The following DACH1 variants were observed in gnomAD, a reference collection of about 807,000 sequenced individuals.
The protein encoded by DACH1 is dachshund homolog 1.
A neutral mutation model predicts 54.2 loss-of-function variants in DACH1; 12 were observed. The observed-to-expected ratio is 0.22, with a 90% CI of 0.14 to 0.36. The LOEUF (loss-of-function observed/expected upper bound fraction) is 0.36. Ranked by LOEUF, DACH1 falls within the 10% of genes least tolerant of loss-of-function variation. The pLI is 1.00. For missense variants in DACH1, 805 were observed against 929.8 expected, an observed-to-expected ratio of 0.87 and a Z score of 1.75; for synonymous variants, 386 against 366.2, an observed-to-expected ratio of 1.05 and a Z score of -0.62.
chr13:71,778,913 AT>A (rs564460337), intron 1 of DACH1, among the ~76,000 whole-genome samples: 1 of 151,872 alleles, frequency 6.6e-6, no homozygotes, highest in Admixed American at 6.6e-5. Context: ...TTTATGTGAT[AT>A]TTTCATTGTA....
At chr13:71,469,006 T>C (rs1206733202) in intron 10 of DACH1, among the ~76,000 whole-genome samples, 1 of 152,222 alleles carries the variant, frequency 6.6e-6, no homozygotes, top group Non-Finnish European at 1.5e-5. Context: ...CTATCTAAAA[T>C]GAGTGATGTG....
intron 3 of DACH1, among the ~76,000 whole-genome samples, chr13:71,596,778 G>A (rs779586992): frequency 3.9e-5 from 6 of 152,070 alleles, no homozygotes; most frequent in African/African-American, 1.2e-4. Context: ...GGTTAATGAG[G>A]GGAAAATTAC....
chr13:71,550,790 G>A (rs1351207936), intron 6 of DACH1, among the ~76,000 whole-genome samples: 1 of 152,096 alleles, frequency 6.6e-6, no homozygotes, highest in East Asian at 1.9e-4. Flanking sequence ...AGAACTAAAA[G>A]TGATGGCACT....
At chr13:71,611,189 G>C (rs1392477732) in intron 3 of DACH1, among the ~76,000 whole-genome samples, 1 of 152,154 alleles carries the variant, frequency 6.6e-6, no homozygotes, top group East Asian at 1.9e-4. Flanking sequence ...ACACTGTCAA[G>C]TTCATGAGAG....
intron 3 of DACH1, among the ~76,000 whole-genome samples, chr13:71,629,823 G>A (rs1282513054): frequency 6.6e-6 from 1 of 151,978 alleles, no homozygotes; most frequent in East Asian, 1.9e-4. Flanking sequence ...AAGTGCAATA[G>A]CAGAAAAAAA....
At chr13:71,553,783 C>G (rs1050421762) in intron 6 of DACH1, among the ~76,000 whole-genome samples, 1 of 151,058 alleles carries the variant, frequency 6.6e-6, no homozygotes, top group Non-Finnish European at 1.5e-5. Context: ...GGTCCTTCAA[C>G]TAATGGTGAC....
At chr13:71,847,784 G>A (rs544718494) in intron 1 of DACH1, among the ~76,000 whole-genome samples, 21 of 152,236 alleles carry the variant, frequency 1.4e-4, no homozygotes, top group Middle Eastern at 6.8e-3. Flanking sequence ...GAGAAACAAG[G>A]TGTATTAACA....
intron 1 of DACH1, among the ~76,000 whole-genome samples, chr13:71,696,929 A>G (rs1295533855): frequency 1.3e-5 from 2 of 152,214 alleles, no homozygotes; most frequent in African/African-American, 2.4e-5. Flanking sequence ...ATCTCTAAAA[A>G]GAATTGAATG....
intron 8 of DACH1, among the ~76,000 whole-genome samples, chr13:71,478,892 C>T (rs7981076): frequency 2.0e-5 from 3 of 151,998 alleles, no homozygotes; most frequent in African/African-American, 7.2e-5. Context: ...TTATTCTTAT[C>T]TTAAAGAACA....
At chr13:71,496,062 A>G (rs1215576116) in intron 6 of DACH1, among the ~76,000 whole-genome samples, 2 of 151,552 alleles carry the variant, frequency 1.3e-5, no homozygotes, top group Non-Finnish European at 2.9e-5. Flanking sequence ...GAGAAGCCCC[A>G]TCTCTACTAA....
intron 2 of DACH1, among the ~76,000 whole-genome samples, chr13:71,668,218 T>C (rs1879975949): frequency 6.6e-6 from 1 of 152,004 alleles, no homozygotes; most frequent in South Asian, 2.1e-4. Context: ...TAATATAGCA[T>C]CACATTTGTA....
intron 10 of DACH1, among the ~76,000 whole-genome samples, chr13:71,471,412 G>A (rs549498632): frequency 6.6e-6 from 1 of 152,204 alleles, no homozygotes; most frequent in African/African-American, 2.4e-5. Flanking sequence ...GAGCTCTTAA[G>A]AGATGTCTGA....
intron 2 of DACH1, among the ~76,000 whole-genome samples, chr13:71,661,284 A>G (rs1341656540): frequency 6.6e-6 from 1 of 151,478 alleles, no homozygotes; most frequent in African/African-American, 2.4e-5. Flanking sequence ...ATTTCCTGAG[A>G]TATTTTCAAT....
At chr13:71,628,076 T>A (rs1048704971) in intron 3 of DACH1, among the ~76,000 whole-genome samples, 2 of 152,104 alleles carry the variant, frequency 1.3e-5, no homozygotes, top group Non-Finnish European at 2.9e-5. Context: ...ATTTTTCAGA[T>A]ATGGAGTTTT....
At chr13:71,617,322 T>C (rs141153814) in intron 3 of DACH1, among the ~76,000 whole-genome samples, 69 of 152,334 alleles carry the variant, frequency 4.5e-4, no homozygotes, top group African/African-American at 1.5e-3. Context: ...TTATTTCTTT[T>C]TTATTAATTG....
chr13:71,815,210 C>A (rs1887861994), intron 1 of DACH1, among the ~76,000 whole-genome samples: 1 of 151,468 alleles, frequency 6.6e-6, no homozygotes, highest in Non-Finnish European at 1.5e-5. Flanking sequence ...CATGTGCAAC[C>A]TTTATGCTAA....
chr13:71,479,135 TA>T (rs1348736633), intron 8 of DACH1, 33 bp downstream of exon 8: 6 of 1,557,400 alleles, frequency 3.9e-6, no homozygotes, highest in Non-Finnish European at 5.2e-6. Context: ...ATATTTTCTG[TA>T]AATATTTAAC....
At chr13:71,562,870 C>A (rs73215211) in intron 4 of DACH1, among the ~76,000 whole-genome samples, 1 of 152,042 alleles carries the variant, frequency 6.6e-6, no homozygotes, top group African/African-American at 2.4e-5. Flanking sequence ...GTTAGCCACA[C>A]CATAATTCAA....
chr13:71,599,828 TACACACAC>T (rs113936121), intron 3 of DACH1, among the ~76,000 whole-genome samples: 3 of 146,602 alleles, frequency 2.0e-5, no homozygotes, highest in African/African-American at 5.0e-5. Context: ...AACACATTTC[TACACACAC>T]ACACACACAC....
Sources: allele counts gnomAD v4.1 joint callset (sites outside exome capture counted in the v4.1 genomes callset), GRCh38; gene constraint gnomAD v4.1.1; transcripts MANE v1.5; gene names NCBI Gene and HGNC (gene_info 2026-07-23, HGNC 2026-07-21).